TAF11: variants seen among roughly 807,000 people sequenced by gnomAD.
The protein encoded by TAF11 is TATA-box binding protein associated factor 11, also known as transcription initiation factor TFIID subunit 11.
TAF11 carries 10 observed loss-of-function variants against 23.0 expected under a neutral mutation model. The ratio of observed to expected loss-of-function variants is 0.43; its 90% CI spans 0.27 to 0.74. The LOEUF is 0.74. Among genes scored for constraint, TAF11 ranks in the 30% least tolerant of loss-of-function variants. The probability of loss-of-function intolerance (pLI) is 0.19; values close to 1 mark genes in which losing one functional copy is unlikely to be tolerated. For missense variants in TAF11, 196 were observed against 261.7 expected, an observed-to-expected ratio of 0.75 and a Z score of 1.73; for synonymous variants, 85 against 95.8, an observed-to-expected ratio of 0.89 and a Z score of 0.66.
At position 34,878,833 on chromosome 6, in the gene TAF11, AACAG is replaced by A. The variant is rs948441750; in HGVS notation, c.506-117_506-114del. Reference sequence around the variant, plus strand: ...TTTTCTTAAGCTTGCTAAGGAAATAAACAGACATTTTTCCTTTTTAAGAGAATAT... The same window carrying A: ...TTTTCTTAAGCTTGCTAAGGAAATAAACATTTTTCCTTTTTAAGAGAATAT... On this transcript the variant is annotated intron_variant, in intron 4 of 4. Coordinates refer to ENST00000361288, the MANE Select transcript of TAF11 (RefSeq NM_005643.4). The A allele has an allele frequency of 4.4e-6, 4 of 909,086 alleles. No individual in the cohort carries two copies. The African/African-American group carries it at 6.7e-5, about 15-fold the overall frequency. The allele number at this position is 909,086 out of a possible 1,614,324, so 56.3% of individuals were successfully genotyped here.
chr6:34,878,758 A>G (rs1364134237), intron 4 of TAF11, 38 bp from the exon 5 acceptor site: 1 of 1,543,826 alleles, frequency 6.5e-7, no homozygotes, highest in East Asian at 2.2e-5. Flanking sequence ...ATTATCACAC[A>G]ATAATTTACT....
At chr6:34,885,970 A>G (rs1766517880) in intron 1 of TAF11, among the ~76,000 whole-genome samples, 1 of 152,092 alleles carries the variant, frequency 6.6e-6, no homozygotes, top group African/African-American at 2.4e-5. Flanking sequence ...TCTACTAAAA[A>G]TACAAAAATT....
chr6:34,886,115 G>A (rs1470496717), intron 1 of TAF11, among the ~76,000 whole-genome samples: 2 of 152,158 alleles, frequency 1.3e-5, no homozygotes, highest in Admixed American at 6.5e-5. Flanking sequence ...GCGGCAGAGC[G>A]AGACTCTGTC....
chr6:34,878,855 G>C, intron 4 of TAF11, 135 bp from the exon 5 acceptor site: 1 of 731,162 alleles, frequency 1.4e-6, no homozygotes, highest in South Asian at 1.8e-5. Flanking sequence ...TCCTTTTTAA[G>C]AGAATATTAG....
In TAF11 at chr6:34,878,473, A is replaced by G; in HGVS notation, c.*117T>C. ...ATCAGAGTTTTGAGAAAGACATTAAAATCATCATGGAATCCTTGGAGGCCT... is the reference window on the plus strand; with the variant it reads ...ATCAGAGTTTTGAGAAAGACATTAAGATCATCATGGAATCCTTGGAGGCCT... On this transcript the variant is annotated 3_prime_UTR_variant, in exon 5 of 5. Coordinates refer to ENST00000361288, the MANE Select transcript of TAF11 (RefSeq NM_005643.4). The G allele has an allele frequency of 1.4e-6, 1 of 695,622 alleles. No individual in the cohort carries two copies. The highest frequency in any genetic ancestry group is 1.7e-5 in the South Asian group (1 of 59,144). The allele number at this position is 695,622 out of a possible 1,614,324, so 43.1% of individuals were successfully genotyped here.
chr6:34,879,325 G>A (rs867658822), intron 4 of TAF11: 1 of 928,056 alleles, frequency 1.1e-6, no homozygotes, highest in Non-Finnish European at 1.3e-6. Context: ...TGAGGTTGTA[G>A]TGAGCTATGA....
chr6:34,881,770 C>T (rs936315438), intron 2 of TAF11, among the ~76,000 whole-genome samples: 3 of 151,940 alleles, frequency 2.0e-5, no homozygotes, highest in Non-Finnish European at 2.9e-5. Flanking sequence ...AGTCTTGGCT[C>T]ACTGCAACCT....
intron 1 of TAF11, among the ~76,000 whole-genome samples, chr6:34,887,007 T>C (rs765171552): frequency 1.4e-4 from 21 of 151,854 alleles, no homozygotes; most frequent in Non-Finnish European, 2.9e-4. Flanking sequence ...CAGACCCAAT[T>C]GATGGGTCCC....
intron 1 of TAF11, among the ~76,000 whole-genome samples, chr6:34,883,381 C>T (rs548605305): frequency 2.6e-5 from 4 of 151,918 alleles, no homozygotes; most frequent in South Asian, 2.1e-4. Context: ...CACCCTCCCC[C>T]GGGCCCACTC....
chr6:34,886,760 C>T (rs918705600), intron 1 of TAF11, among the ~76,000 whole-genome samples: 1 of 152,076 alleles, frequency 6.6e-6, no homozygotes, highest in African/African-American at 2.4e-5. Context: ...GCCACTACGC[C>T]CAGACAAATT....
chr6:34,878,570 A>G lies in TAF11; in HGVS notation c.*20T>C. 7.6e-7 allele frequency: 1 copy of G among 1,311,334 alleles called. No individual in the cohort carries two copies. Among genetic ancestry groups the G allele is most frequent in the Non-Finnish European group, 1.1e-6 (1 of 904,272 alleles). The allele number at this position is 1,311,334 out of a possible 1,614,324, so 81.2% of individuals were successfully genotyped here. A position where few individuals can be genotyped will look rare whatever the true frequency, so the allele number is the denominator to read the frequency against. On this transcript the variant is annotated 3_prime_UTR_variant, in exon 5 of 5. Transcript: ENST00000361288. The stretch of plus-strand genomic sequence containing the variant: ...CCAATACTTCTTCCGTCAGTAACAT[A>G]GGCCTTTCTAGACTTTGGTCTAGAA...
intron 1 of TAF11, 72 bp downstream of exon 1, chr6:34,887,715 A>G: frequency 1.3e-6 from 2 of 1,591,546 alleles, no homozygotes; most frequent in South Asian, 2.2e-5. Flanking sequence ...GGGACTAACC[A>G]GAAGCCCGGC....
At chr6:34,883,585 T>C (rs1204474204) in intron 1 of TAF11, among the ~76,000 whole-genome samples, 2 of 152,264 alleles carry the variant, frequency 1.3e-5, no homozygotes, top group Non-Finnish European at 2.9e-5. Context: ...CACGTAGTGC[T>C]CTTTTGTTCT....
chr6:34,880,163 G>GC lies in TAF11; in HGVS notation c.409-101dup. 1 of 1,520,250 alleles carries GC rather than the reference G, an allele frequency of 6.6e-7. No individual in the cohort carries two copies. Among genetic ancestry groups the GC allele is most frequent in the South Asian group, 1.1e-5 (1 of 87,498 alleles). The allele number at this position is 1,520,250 out of a possible 1,614,324, so 94.2% of individuals were successfully genotyped here. On this transcript the variant is annotated intron_variant, in intron 3 of 4. Coordinates refer to ENST00000361288, the MANE Select transcript of TAF11 (RefSeq NM_005643.4). This position sits in a 1 kb window ranked among gnomAD's most constrained non-coding sequence, Gnocchi z 4.8. The stretch of plus-strand genomic sequence containing the variant: ...CAGAAAAAGGTAAGATAACTGAAGT[G>GC]CATTTTTTTTCCCACCTAAATAATC...
rs1766566711 is a variant in TAF11 at position 34,887,875 on chromosome 6, G to A, written c.83C>T (p.Pro28Leu). 6.2e-7 allele frequency: 1 copy of A among 1,614,010 alleles called. No homozygotes were observed. The highest frequency in any genetic ancestry group is 1.7e-5 in the Admixed American group (1 of 60,008). The change falls in exon 1 of 5, where the codon CCG becomes CTG. Residue 28 changes from proline to leucine, a missense_variant. Pro to Leu is a moderately conservative substitution (Grantham distance 98, BLOSUM62 -3). Transcript: ENST00000361288. ...GATTCCATCGGTGTCGGTAGCCCCCGGGTCCCCGGGCACAGCGGCCGTCTC... is the reference window on the plus strand; with the variant it reads ...GATTCCATCGGTGTCGGTAGCCCCCAGGTCCCCGGGCACAGCGGCCGTCTC... ...SDETAAVPGD[P>L]GATDTDGIPE...
rs1433242594 is a variant in TAF11 at position 34,887,909 on chromosome 6, C to G, written c.49G>C (p.Glu17Gln). 1 of 1,614,208 alleles carries G rather than the reference C, an allele frequency of 6.2e-7. No homozygotes were observed. Among genetic ancestry groups the G allele is most frequent in the Non-Finnish European group, 8.5e-7 (1 of 1,180,044 alleles). Residue 17 changes from glutamate (E) to glutamine (Q), a missense_variant, in exon 1 of 5, where the codon GAG (glutamate) becomes CAG (glutamine). Glu to Gln is a conservative substitution (Grantham distance 29). Transcript: ENST00000361288. ...GGCACAGCGGCCGTCTCATCCGACT[C>G]CCCTGTCTCTCCACCTTTGTCGGAG... ...SPSDKGGETG[E>Q]SDETAAVPGD...
chr6:34,883,199 T>C, intron 1 of TAF11, 119 bp from the exon 2 acceptor site: 1 of 980,806 alleles, frequency 1.0e-6, no homozygotes, highest in Non-Finnish European at 1.5e-6. Flanking sequence ...GTTTTTCAGT[T>C]CTAGGCACTG....
At chr6:34,887,558 C>T (rs2127434102) in intron 1 of TAF11, among the ~76,000 whole-genome samples, 1 of 152,234 alleles carries the variant, frequency 6.6e-6, no homozygotes, top group African/African-American at 2.4e-5. Context: ...GCTTTAATCC[C>T]TAAAGACAAG....
Position 34,878,533 on chromosome 6 carries a change from GGAA to G in TAF11, c.*54_*56del. 1.1e-6 allele frequency: 1 copy of G among 929,792 alleles called. No homozygotes were observed. Among genetic ancestry groups the G allele is most frequent in the South Asian group, 1.3e-5 (1 of 77,136 alleles). 57.6% of individuals were successfully genotyped at this position (929,792 alleles called of 1,614,324 possible). ...AAGCACCAATGCAGACAGTCTTATA[GGAA>G]GTCTGGAACCAATACTTCTTCCGTC... On this transcript the variant is annotated 3_prime_UTR_variant, in exon 5 of 5. Transcript: ENST00000361288.
Sources: allele counts gnomAD v4.1 joint callset (sites outside exome capture counted in the v4.1 genomes callset), GRCh38; gene constraint gnomAD v4.1.1; non-coding constraint Gnocchi (gnomAD v3.1); transcripts MANE v1.5; gene names NCBI Gene and HGNC (gene_info 2026-07-23, HGNC 2026-07-21).